PLCB1: variants seen among roughly 807,000 people sequenced by gnomAD.
PLCB1 encodes 1-phosphatidylinositol 4,5-bisphosphate phosphodiesterase beta-1.
In PLCB1, 46 loss-of-function variants were observed where a neutral mutation model predicts 161.8. The observed-to-expected ratio is 0.28, with a 90% CI of 0.22 to 0.36. PLCB1 has a LOEUF of 0.36. Among genes scored for constraint, PLCB1 ranks in the 10% least tolerant of loss-of-function variants. PLCB1 has a pLI of 1.00. For synonymous variants in PLCB1, 517 were observed against 503.7 expected (o/e 1.03, Z -0.35); for missense variants, 1,016 against 1,472.5 (o/e 0.69, Z 5.07).
chr20:8,398,013 T>C (rs1978367876), intron 3 of PLCB1, among the ~76,000 whole-genome samples: 1 of 152,166 alleles, frequency 6.6e-6, no homozygotes, highest in African/African-American at 2.4e-5. Flanking sequence ...AGACTTTTTC[T>C]TTGTTTAGAT....
intron 2 of PLCB1, among the ~76,000 whole-genome samples, chr20:8,354,055 G>A (rs144130013): frequency 2.4e-4 from 37 of 151,500 alleles, no homozygotes; most frequent in African/African-American, 6.8e-4. Flanking sequence ...ACATATAATC[G>A]TGGTGGCCTG....
chr20:8,577,437 CAAA>C (rs11289640), intron 3 of PLCB1, among the ~76,000 whole-genome samples: 85 of 93,984 alleles, frequency 9.0e-4, no homozygotes, highest in African/African-American at 2.2e-3. Context: ...GACCCTGTCT[CAAA>C]AAAAAAAAAA....
chr20:8,263,305 A>G (rs1329787472), intron 2 of PLCB1, among the ~76,000 whole-genome samples: 1 of 151,652 alleles, frequency 6.6e-6, no homozygotes, highest in Non-Finnish European at 1.5e-5. Flanking sequence ...AAAAATCAAA[A>G]TGACTGTATT....
chr20:8,645,421 G>T (rs932450107), intron 4 of PLCB1, among the ~76,000 whole-genome samples: 1 of 152,164 alleles, frequency 6.6e-6, no homozygotes, highest in Non-Finnish European at 1.5e-5. Context: ...AATTTTGTAG[G>T]GGTTTCAGCC....
chr20:8,849,163 A>C (rs1986798607), intron 31 of PLCB1, among the ~76,000 whole-genome samples: 1 of 152,194 alleles, frequency 6.6e-6, no homozygotes, highest in African/African-American at 2.4e-5. Flanking sequence ...AAGAGAAGCC[A>C]AACACTCAAG....
Position 8,882,514 on chromosome 20 carries a change from T to C in PLCB1, c.*665T>C, listed in dbSNP as rs1988031888. 6.5e-6 allele frequency: 1 copy of C among 153,382 alleles called. No homozygotes were observed. Among genetic ancestry groups the C allele is most frequent in the Admixed American group, 6.5e-5 (1 of 15,370 alleles). 9.5% of individuals were successfully genotyped at this position (153,382 alleles called of 1,614,324 possible). A position where few individuals can be genotyped will look rare whatever the true frequency, so the allele number is the denominator to read the frequency against. On this transcript the variant is annotated 3_prime_UTR_variant, in exon 32 of 32. Coordinates refer to ENST00000338037, the MANE Select transcript of PLCB1 (RefSeq NM_015192.4). The stretch of plus-strand genomic sequence containing the variant: ...ATTGTATCCTTGCCCAGTGAAGCCA[T>C]CCTAAGACTTAGCAATATGGATTGT...
intron 15 of PLCB1, among the ~76,000 whole-genome samples, chr20:8,724,377 G>C (rs1979819835): frequency 6.6e-6 from 1 of 152,064 alleles, no homozygotes; most frequent in African/African-American, 2.4e-5. Context: ...CTAAGATCAG[G>C]CATTTCTAAA....
At chr20:8,372,218 A>G (rs907643661) in intron 3 of PLCB1, 17 of 152,190 alleles carry the variant, frequency 1.1e-4, no homozygotes, top group African/African-American at 4.1e-4. Flanking sequence ...TTAGGAGCTC[A>G]ATGCGTCTTT....
intron 2 of PLCB1, among the ~76,000 whole-genome samples, chr20:8,217,229 G>A (rs1482392587): frequency 6.6e-6 from 1 of 152,112 alleles, no homozygotes; most frequent in Non-Finnish European, 1.5e-5. Flanking sequence ...CATTAAATAT[G>A]AAGATTCTAG....
intron 2 of PLCB1, among the ~76,000 whole-genome samples, chr20:8,276,929 C>T (rs867236441): frequency 1.1e-4 from 2 of 18,446 alleles, no homozygotes; most frequent in South Asian, 3.4e-3. Flanking sequence ...TTCTTCTTTT[C>T]TTCTTCTTCT....
At chr20:8,366,414 G>A (rs1249017274) in intron 2 of PLCB1, among the ~76,000 whole-genome samples, 1 of 152,154 alleles carries the variant, frequency 6.6e-6, no homozygotes, top group Non-Finnish European at 1.5e-5. Context: ...TCCTGAGTTT[G>A]ATAATTAACA....
intron 26 of PLCB1, among the ~76,000 whole-genome samples, chr20:8,769,374 T>C (rs1982549009): frequency 6.6e-6 from 1 of 150,654 alleles, no homozygotes; most frequent in Non-Finnish European, 1.5e-5. Flanking sequence ...TAGTTCTATT[T>C]CTATATATAT....
intron 3 of PLCB1, among the ~76,000 whole-genome samples, chr20:8,574,875 G>A (rs1043493699): frequency 1.3e-4 from 19 of 147,500 alleles, no homozygotes; most frequent in African/African-American, 5.1e-4. Flanking sequence ...CAACAGAAAA[G>A]ATATAAAGGC....
At chr20:8,289,131 C>G (rs1983267292) in intron 2 of PLCB1, among the ~76,000 whole-genome samples, 1 of 152,196 alleles carries the variant, frequency 6.6e-6, no homozygotes, top group Admixed American at 6.5e-5. Flanking sequence ...GGTTCCCATT[C>G]TCCAGCTTCT....
At chr20:8,638,020 C>G (rs767306277) in intron 4 of PLCB1, among the ~76,000 whole-genome samples, 12 of 152,168 alleles carry the variant, frequency 7.9e-5, no homozygotes, top group Non-Finnish European at 1.6e-4. Flanking sequence ...CTCAGCCTCC[C>G]GAGTAGCTGG....
chr20:8,751,081 G>A (rs6118300), intron 23 of PLCB1: 98,119 of 225,948 alleles, frequency 0.43, 22,281 homozygotes, highest in East Asian at 0.67. Flanking sequence ...GACTACAGGC[G>A]CCCACCACCA....
chr20:8,421,042 T>C (rs1182124335), intron 3 of PLCB1, among the ~76,000 whole-genome samples: 1 of 152,174 alleles, frequency 6.6e-6, no homozygotes, highest in Admixed American at 6.6e-5. Context: ...GAGGGAAGGA[T>C]GTAACTGAGA....
chr20:8,183,521 G>C (rs998098501), intron 2 of PLCB1, among the ~76,000 whole-genome samples: 1 of 152,124 alleles, frequency 6.6e-6, no homozygotes, highest in Non-Finnish European at 1.5e-5. Flanking sequence ...GCCAGTCACA[G>C]TGTTAAAATA....
intron 3 of PLCB1, among the ~76,000 whole-genome samples, chr20:8,424,989 A>C (rs1168239844): frequency 6.6e-6 from 1 of 152,112 alleles, no homozygotes; most frequent in African/African-American, 2.4e-5. Flanking sequence ...CACCTCATGT[A>C]ACTGAAGCAG....
Sources: allele counts gnomAD v4.1 joint callset (sites outside exome capture counted in the v4.1 genomes callset), GRCh38; gene constraint gnomAD v4.1.1; transcripts MANE v1.5; gene names NCBI Gene and HGNC (gene_info 2026-07-23, HGNC 2026-07-21).